The following FMN2 variants were observed in gnomAD, a reference collection of about 807,000 sequenced individuals.
FMN2 encodes formin-2.
In FMN2, 51 loss-of-function variants were observed where a neutral mutation model predicts 142.3. The observed-to-expected ratio is 0.36, with a 90% CI of 0.29 to 0.45. The LOEUF is 0.45. Among genes scored for constraint, FMN2 ranks in the 20% least tolerant of loss-of-function variants. The pLI, the probability that FMN2 is intolerant of heterozygous loss-of-function variation, is 1.00. For missense variants in FMN2, 1,936 were observed against 2,122.8 expected (o/e 0.91, Z 1.73); for synonymous variants, 882 against 869.8 (o/e 1.01, Z -0.25).
intron 15 of FMN2, among the ~76,000 whole-genome samples, chr1:240,418,562 G>A (rs1317987603): frequency 6.6e-6 from 1 of 152,072 alleles, no homozygotes; most frequent in African/African-American, 2.4e-5. Flanking sequence ...CAAACTTAAG[G>A]GATTTTCGAA....
chr1:240,195,762 A>T (rs1261852729), intron 4 of FMN2, among the ~76,000 whole-genome samples: 1 of 152,206 alleles, frequency 6.6e-6, no homozygotes, highest in Non-Finnish European at 1.5e-5. Flanking sequence ...TCATGCCTGA[A>T]ATTCTAGCAC....
intron 1 of FMN2, among the ~76,000 whole-genome samples, chr1:240,097,870 A>G (rs1661269679): frequency 6.6e-6 from 1 of 152,150 alleles, no homozygotes; most frequent in South Asian, 2.1e-4. Flanking sequence ...TTTCGAATGA[A>G]AAAACCCAGG....
intron 6 of FMN2, among the ~76,000 whole-genome samples, chr1:240,219,881 A>G (rs1448636181): frequency 1.3e-5 from 2 of 151,848 alleles, no homozygotes; most frequent in Non-Finnish European, 2.9e-5. Flanking sequence ...CTGGTCTTGT[A>G]CTCCTGGGCT....
intron 2 of FMN2, among the ~76,000 whole-genome samples, chr1:240,166,702 T>C (rs181588203): frequency 1.6e-3 from 239 of 152,332 alleles, no homozygotes; most frequent in African/African-American, 5.6e-3. Context: ...GAAACTCTAC[T>C]TTTTTTCTTT....
rs1224078775 is a variant in FMN2 at position 240,339,525 on chromosome 1, A to AATT, written c.4765+5296_4765+5297insATT. On this transcript the variant is annotated intron_variant, in intron 13 of 17. Coordinates refer to ENST00000319653, the MANE Select transcript of FMN2 (RefSeq NM_020066.5). ...TACTGTTTTATGATTTTTAAAAAAA[A>AATT]TTTAAAAAAAATTTATTGAGGTAAA... 2.6e-3 allele frequency among the ~76,000 whole-genome samples: 393 copies of AATT among 152,054 alleles called. 3 individuals are homozygous for AATT. The highest frequency in any genetic ancestry group is 8.7e-3 in the African/African-American group (360 of 41,402).
At chr1:240,407,214 C>T (rs1489190250) in intron 15 of FMN2, among the ~76,000 whole-genome samples, 1 of 151,820 alleles carries the variant, frequency 6.6e-6, no homozygotes, top group African/African-American at 2.4e-5. Context: ...CTCGGCTTAC[C>T]GCAACCTCCG....
chr1:240,364,775 T>C (rs557252211), intron 14 of FMN2, among the ~76,000 whole-genome samples: 6 of 152,280 alleles, frequency 3.9e-5, no homozygotes, highest in African/African-American at 9.6e-5. Context: ...CCATGCTGTG[T>C]CTTCAGCACC....
intron 8 of FMN2, among the ~76,000 whole-genome samples, chr1:240,327,416 A>G (rs10495464): frequency 0.3 from 45,282 of 152,058 alleles, 6,814 homozygotes; most frequent in South Asian, 0.34. Context: ...TTGTTTAGGT[A>G]GTATCTATCA....
At chr1:240,459,853 A>C (rs1676390459) in intron 16 of FMN2, among the ~76,000 whole-genome samples, 1 of 151,212 alleles carries the variant, frequency 6.6e-6, no homozygotes, top group South Asian at 2.1e-4. Context: ...GGCATACTTG[A>C]AGTGTTTGTA....
chr1:240,330,517 A>G, intron 10 of FMN2, 86 bp from the exon 11 acceptor site: 1 of 1,406,952 alleles, frequency 7.1e-7, no homozygotes, highest in Non-Finnish European at 9.7e-7. Context: ...TCCTAATATA[A>G]TATAAATAGC....
intron 7 of FMN2, among the ~76,000 whole-genome samples, chr1:240,271,001 A>C (rs572675336): frequency 6.6e-6 from 1 of 151,736 alleles, no homozygotes; most frequent in East Asian, 1.9e-4. Context: ...AAAATATTTG[A>C]GATGATGGAT....
At chr1:240,359,457 A>G (rs1672388393) in intron 14 of FMN2, among the ~76,000 whole-genome samples, 2 of 152,146 alleles carry the variant, frequency 1.3e-5, no homozygotes, top group Non-Finnish European at 2.9e-5. Context: ...AAATGTCTTT[A>G]TTGCATTAGC....
intron 6 of FMN2, among the ~76,000 whole-genome samples, chr1:240,252,548 GT>G (rs35179529): frequency 1.4e-4 from 20 of 142,444 alleles, no homozygotes; most frequent in African/African-American, 2.8e-4. Context: ...TGGGCTGGCA[GT>G]TTTTTTTTTT....
intron 8 of FMN2, among the ~76,000 whole-genome samples, chr1:240,304,840 G>C (rs577285984): frequency 2.6e-5 from 4 of 152,182 alleles, no homozygotes; most frequent in South Asian, 2.1e-4. Flanking sequence ...GGCCGGGAGT[G>C]GGGGATAGGT....
chr1:240,317,382 C>G (rs1018530253), intron 8 of FMN2, among the ~76,000 whole-genome samples: 1 of 152,066 alleles, frequency 6.6e-6, no homozygotes, highest in African/African-American at 2.4e-5. Context: ...TTGTGCTACC[C>G]CCTTGTAATT....
chr1:240,197,804 G>A (rs552924863), intron 4 of FMN2, among the ~76,000 whole-genome samples: 5 of 152,034 alleles, frequency 3.3e-5, no homozygotes, highest in Admixed American at 3.3e-4. Context: ...GAGTAGCTGG[G>A]ATTACAGGTA....
At position 240,095,722 on chromosome 1, in the gene FMN2, T is replaced by C. The variant is rs149621670; in HGVS notation, c.1615+1998T>C. ...GAAGATCACAAGACCCTAAATAGGTTGAATGTTTGTTTTCCTTTAAAAAAA... is the reference window on the plus strand; with the variant it reads ...GAAGATCACAAGACCCTAAATAGGTCGAATGTTTGTTTTCCTTTAAAAAAA... On this transcript the variant is annotated intron_variant, in intron 1 of 17. Transcript: ENST00000319653. Among the ~76,000 whole-genome samples, 4 of 152,142 alleles carry C rather than the reference T, an allele frequency of 2.6e-5. No homozygotes were observed. The East Asian group carries it at 7.7e-4, about 29-fold the overall frequency.
chr1:240,380,415 T>G (rs767126696), intron 14 of FMN2, among the ~76,000 whole-genome samples: 5 of 152,028 alleles, frequency 3.3e-5, no homozygotes, highest in Non-Finnish European at 7.4e-5. Context: ...AAGGTAGAAA[T>G]CAAAAGGTTT....
At chr1:240,137,306 A>G (rs1662984695) in intron 2 of FMN2, among the ~76,000 whole-genome samples, 1 of 152,152 alleles carries the variant, frequency 6.6e-6, no homozygotes, top group African/African-American at 2.4e-5. Flanking sequence ...AAAGGGCCAG[A>G]TAGAAAATAT....
Sources: allele counts gnomAD v4.1 joint callset (sites outside exome capture counted in the v4.1 genomes callset), GRCh38; gene constraint gnomAD v4.1.1; transcripts MANE v1.5; gene names NCBI Gene and HGNC (gene_info 2026-07-23, HGNC 2026-07-21).